NFASC: variants seen among roughly 807,000 people sequenced by gnomAD.
NFASC encodes neurofascin.
A neutral mutation model predicts 147.5 loss-of-function variants in NFASC; 43 were observed. The ratio of observed to expected loss-of-function variants is 0.29; its 90% confidence interval spans 0.23 to 0.38. NFASC has a LOEUF of 0.38. Among genes scored for constraint, NFASC ranks in the 10% least tolerant of loss-of-function variants. The pLI, the probability that NFASC is intolerant of heterozygous loss-of-function variation, is 1.00. For synonymous variants in NFASC, 622 were observed against 665.5 expected, an observed-to-expected ratio of 0.93 and a Z score of 1.01; for missense variants, 1,320 against 1,689.0, an observed-to-expected ratio of 0.78 and a Z score of 3.83.
At position 204,870,764 on chromosome 1, in the gene NFASC, G is replaced by A. The variant is rs187067667; in HGVS notation, c.-200+41982G>A. The stretch of plus-strand genomic sequence containing the variant: ...TCCATTCACGGCACTCTCAGAGGAC[G>A]TGGTGGGCTTGAGATAATAAAGCCC... On this transcript the variant is annotated intron_variant, in intron 1 of 29. Transcript: ENST00000339876. 7,528 of 1,161,762 alleles carry A rather than the reference G, an allele frequency of 6.5e-3. 26 individuals carry two copies. The highest frequency in any genetic ancestry group is 9.2e-3 in the Middle Eastern group (23 of 2,510). 72.0% of individuals were successfully genotyped at this position (1,161,762 alleles called of 1,614,324 possible).
At chr1:204,980,214 G>C (rs1574077312) in intron 19 of NFASC, among the ~76,000 whole-genome samples, 156 bp from the exon 20 acceptor site, 1 of 152,234 alleles carries the variant, frequency 6.6e-6, no homozygotes, top group Non-Finnish European at 1.5e-5. Flanking sequence ...ATCATGCACA[G>C]AGTAAGCTCA....
intron 1 of NFASC, among the ~76,000 whole-genome samples, chr1:204,899,068 T>C (rs572752255): frequency 1.3e-5 from 2 of 152,184 alleles, no homozygotes; most frequent in African/African-American, 4.8e-5. Context: ...GAAACAGACC[T>C]GCCCCAGGGA....
chr1:204,969,101 A>G (rs1348702635), intron 10 of NFASC, 119 bp downstream of exon 10: 1 of 881,756 alleles, frequency 1.1e-6, no homozygotes, highest in African/African-American at 1.7e-5. Context: ...CCCACTGCTC[A>G]GTGGCAATGG....
Position 204,976,676 on chromosome 1 carries a change from A to G in NFASC, c.1712A>G (p.Lys571Arg). ...DEPLYIGNRMKKEDDSLTIFG... is the reference protein window; with the variant it reads ...DEPLYIGNRMRKEDDSLTIFG... ...CTTCCTCGGTACCTTTGCAGGATGAAGAAGGAAGACGACTCCCTGACCATC... is the reference window on the plus strand; with the variant it reads ...CTTCCTCGGTACCTTTGCAGGATGAGGAAGGAAGACGACTCCCTGACCATC... The change falls in exon 16 of 30, where the codon AAG (lysine) becomes AGG (arginine). Residue 571 changes from lysine to arginine, a missense_variant. Lys to Arg is a conservative substitution (Grantham distance 26). Coordinates refer to ENST00000339876, the MANE Select transcript of NFASC (RefSeq NM_001005388.3). The G allele has an allele frequency of 6.2e-7, 1 of 1,612,554 alleles. No individual in the cohort carries two copies. The highest frequency in any genetic ancestry group is 8.5e-7 in the Non-Finnish European group (1 of 1,178,912).
At position 204,828,699 on chromosome 1, in the gene NFASC, C is replaced by A. The variant is rs1052630469; in HGVS notation, c.-283C>A. On this transcript the variant is annotated 5_prime_UTR_variant, in exon 1 of 30. Coordinates refer to ENST00000339876, the MANE Select transcript of NFASC (RefSeq NM_001005388.3). ...TAATGCGGCGGCTGGCGGCGAGAGG[C>A]GCTGCAGGGGACGCGGGGGAAGTGG... 4 of 985,374 alleles carry A rather than the reference C, an allele frequency of 4.1e-6. No homozygotes were observed. In the African/African-American group the frequency reaches 7.0e-5, roughly 17 times the overall value. The allele number at this position is 985,374 out of a possible 1,614,324, so 61.0% of individuals were successfully genotyped here. A position where few individuals can be genotyped will look rare whatever the true frequency, so the allele number is the denominator to read the frequency against.
At chr1:204,970,583 A>G (rs769330376) in intron 10 of NFASC, 33 bp from the exon 11 acceptor site, 10 of 1,612,614 alleles carry the variant, frequency 6.2e-6, no homozygotes, top group Non-Finnish European at 7.6e-6. Context: ...CATGCCATCT[A>G]ACTCCCCTGC....
At chr1:204,839,008 T>C (rs1370484668) in intron 1 of NFASC, among the ~76,000 whole-genome samples, 1 of 152,248 alleles carries the variant, frequency 6.6e-6, no homozygotes, top group African/African-American at 2.4e-5. Flanking sequence ...CTGCCTAACC[T>C]TACCATGAAC....
At chr1:204,830,467 A>C (rs551156118) in intron 1 of NFASC, among the ~76,000 whole-genome samples, 1 of 152,256 alleles carries the variant, frequency 6.6e-6, no homozygotes, top group East Asian at 1.9e-4. Context: ...GAATTGAAGG[A>C]GATGGGGGCC....
At chr1:204,985,810 G>A in intron 21 of NFASC, 1 of 743,364 alleles carries the variant, frequency 1.3e-6, no homozygotes, top group East Asian at 2.7e-5. Flanking sequence ...GGACTTGGAG[G>A]CTGTAGCAAG....
chr1:204,840,006 G>A (rs904975175), intron 1 of NFASC, among the ~76,000 whole-genome samples: 6 of 152,160 alleles, frequency 3.9e-5, no homozygotes, highest in African/African-American at 1.4e-4. Flanking sequence ...TGGGGTTGGG[G>A]AAGAACTTTT....
chr1:204,952,115 A>T lies in NFASC; in HGVS notation c.214A>T (p.Ser72Cys), dbSNP rs1210572128. ...TGAAGCAAAAGGGAACCCTGCCCCC[A>T]GGTGAGTGAAGGGGAAAAAGAGTGC... is the stretch of plus-strand genomic sequence containing the variant. ...ECEAKGNPAP[S>C]FHWTRNSRFF... Residue 72 changes from serine to cysteine, a missense_variant and splice_region_variant, in exon 5 of 30, where the codon AGC (serine) becomes TGC (cysteine). Around this residue, in one of 3 missense-constraint regions of NFASC, gnomAD observed 981 missense variants for 1,289.5 expected, o/e 0.76. Transcript: ENST00000339876. 1 of 1,609,114 alleles carries T rather than the reference A, an allele frequency of 6.2e-7. No homozygotes were observed. The highest frequency in any genetic ancestry group is 8.5e-7 in the Non-Finnish European group (1 of 1,175,584).
At chr1:204,922,785 T>C (rs1343983791) in intron 2 of NFASC, among the ~76,000 whole-genome samples, 1 of 152,156 alleles carries the variant, frequency 6.6e-6, no homozygotes, top group Non-Finnish European at 1.5e-5. Context: ...GACATAAGAC[T>C]GCAGAGACTG....
chr1:204,839,056 A>G (rs186227024), intron 1 of NFASC, among the ~76,000 whole-genome samples: 379 of 152,296 alleles, frequency 2.5e-3, no homozygotes, highest in Admixed American at 4.1e-3. Flanking sequence ...TAGGCTTGCT[A>G]TGTATAAGTC....
chr1:205,000,849 A>C, intron 25 of NFASC: 1 of 372,274 alleles, frequency 2.7e-6, no homozygotes. Flanking sequence ...ACAGAAAACA[A>C]AAAAACTCTT....
chr1:204,866,405 C>T (rs1454841512), intron 1 of NFASC, among the ~76,000 whole-genome samples: 1 of 152,138 alleles, frequency 6.6e-6, no homozygotes, highest in Non-Finnish European at 1.5e-5. Flanking sequence ...ATGCCGAGCC[C>T]TTGAGAGGTC....
intron 25 of NFASC, chr1:204,997,657 A>AAATT: frequency 1.7e-6 from 1 of 579,022 alleles, no homozygotes; most frequent in East Asian, 2.9e-5. Flanking sequence ...TCAGTACCCC[A>AAATT]AATTCTAGCT....
At chr1:204,960,679 C>T (rs1242832739) in intron 8 of NFASC, among the ~76,000 whole-genome samples, 1 of 152,216 alleles carries the variant, frequency 6.6e-6, no homozygotes, top group Non-Finnish European at 1.5e-5. Context: ...TATGTGCCAC[C>T]ATCCACCCCC....
At chr1:204,955,143 T>TGTGTGATCTTGAGCAA (rs1400142206) in intron 7 of NFASC, among the ~76,000 whole-genome samples, 192 bp downstream of exon 7, 2 of 152,212 alleles carry the variant, frequency 1.3e-5, no homozygotes, top group Non-Finnish European at 2.9e-5. Context: ...GCCTGGCTGC[T>TGTGTGATCTTGAGCAA]GTGTGATCTT....
At chr1:204,909,228 A>G (rs1427433157) in intron 1 of NFASC, among the ~76,000 whole-genome samples, 2 of 152,180 alleles carry the variant, frequency 1.3e-5, no homozygotes, top group Non-Finnish European at 2.9e-5. Context: ...TCATTTCTCC[A>G]CATCTGCACC....
Sources: allele counts gnomAD v4.1 joint callset (sites outside exome capture counted in the v4.1 genomes callset), GRCh38; gene constraint gnomAD v4.1.1; regional missense constraint gnomAD v4.1.1; transcripts MANE v1.5; gene names NCBI Gene and HGNC (gene_info 2026-07-23, HGNC 2026-07-21).